Variants in RTP5 observed in about 807,000 individuals in gnomAD.
The protein encoded by RTP5 is receptor-transporting protein 5.
In RTP5, 30 loss-of-function variants were observed where a neutral mutation model predicts 23.5. That is an observed-to-expected ratio of 1.27 (90% CI 0.95 to 1.73). The LOEUF (loss-of-function observed/expected upper bound fraction) is 1.73. Among genes scored for constraint, RTP5 ranks in the 40% most tolerant of loss-of-function variants. The probability of loss-of-function intolerance (pLI) is 0.00; values close to 1 mark genes in which losing one functional copy is unlikely to be tolerated. For synonymous variants in RTP5, 354 were observed against 342.1 expected (o/e 1.03, Z -0.38); for missense variants, 807 against 784.2 (o/e 1.03, Z -0.35).
chr2:241,870,705 A>T (rs1335895556), intron 1 of RTP5, among the ~76,000 whole-genome samples: 1 of 152,252 alleles, frequency 6.6e-6, no homozygotes, highest in Admixed American at 6.5e-5. Context: ...GCTGGGAAGC[A>T]CATCACTGTT....
At chr2:241,869,941 G>T (rs1440203235) in intron 1 of RTP5, 27 bp downstream of exon 1, 1 of 1,466,990 alleles carries the variant, frequency 6.8e-7, no homozygotes, top group East Asian at 2.7e-5. Context: ...GGGACCCTGG[G>T]AGAGGCAGGG....
rs1234242397 is a variant in RTP5, at chr2:241,872,652, C to G, written c.1097C>G (p.Ala366Gly). The change falls in exon 2 of 2, where the codon GCC (alanine) becomes GGC (glycine). Residue 366 changes from alanine to glycine, a missense_variant. By Grantham distance (60) the Ala-to-Gly change is moderately conservative. Coordinates refer to ENST00000343216, the MANE Select transcript of RTP5 (RefSeq NM_173821.3). ...PTDGPVATKEASITFPFIFTD... is the reference protein window; with the variant it reads ...PTDGPVATKEGSITFPFIFTD... The stretch of plus-strand genomic sequence containing the variant: ...GATGGCCCTGTGGCCACTAAAGAGG[C>G]CTCCATCACCTTCCCCTTCATCTTT... The G allele has an allele frequency of 6.3e-7, 1 of 1,587,686 alleles. No homozygotes were observed. Among genetic ancestry groups the G allele is most frequent in the Non-Finnish European group, 8.6e-7 (1 of 1,167,138 alleles).
Position 241,873,476 on chromosome 2 carries a change from T to A in RTP5, c.*202T>A. 1 of 372,066 alleles carries A rather than the reference T, an allele frequency of 2.7e-6. No individual in the cohort carries two copies. The highest frequency in any genetic ancestry group is 4.4e-6 in the Non-Finnish European group (1 of 227,716). The allele number at this position is 372,066 out of a possible 1,614,324, so 23.0% of individuals were successfully genotyped here. On this transcript the variant is annotated 3_prime_UTR_variant, in exon 2 of 2. Transcript: ENST00000343216. ...TGCCTCTGAGACCCCGCCTCACCTC[T>A]GAGACACCCCCCAACCCCACCTTTG...
Position 241,872,529 on chromosome 2 carries a change from T to C in RTP5, c.974T>C (p.Val325Ala), listed in dbSNP as rs1468154905. The change falls in exon 2 of 2, where the codon GTG becomes GCG. Residue 325 changes from valine to alanine, a missense_variant. Val to Ala is a moderately conservative substitution (Grantham distance 64, BLOSUM62 0). Transcript: ENST00000343216. ...CCTGTGGGGAAACACACGCCAACCG[T>C]GTTCTACTGTGTGGGCCTCTCGGCC... ...LVPVGKHTPT[V>A]FYCVGLSASG... is the part of the protein sequence containing the mutation. 8 of 1,576,834 alleles carry C rather than the reference T, an allele frequency of 5.1e-6. No homozygotes were observed. Among genetic ancestry groups the C allele is most frequent in the Non-Finnish European group, 6.9e-6 (8 of 1,160,488 alleles).
intron 1 of RTP5, among the ~76,000 whole-genome samples, 191 bp downstream of exon 1, chr2:241,870,105 C>T (rs1049040866): frequency 6.6e-6 from 1 of 152,210 alleles, no homozygotes; most frequent in Admixed American, 6.5e-5. Flanking sequence ...CGGCTGCTGA[C>T]GCAGGGGTCC....
chr2:241,871,211 C>A, intron 1 of RTP5: 1 of 377,158 alleles, frequency 2.7e-6, no homozygotes, highest in Non-Finnish European at 5.3e-6. Context: ...AGGACAGGGA[C>A]CCCCACTTGC....
At chr2:241,870,922 C>G in intron 1 of RTP5, 1 of 470,980 alleles carries the variant, frequency 2.1e-6, no homozygotes, top group Non-Finnish European at 4.4e-6. Flanking sequence ...GGCAGTGTGG[C>G]TATAGAACAT....
Position 241,871,825 on chromosome 2 carries a change from G to A in RTP5, c.270G>A (p.Trp90Ter), listed in dbSNP as rs757027478. ...GGGGGCTGGTGAAGATGCGCATCTG[G>A]GGCCAGCGGTGCAGGCTGTGCCCCG... ...SHRGLVKMRI[W>*]GQRCRLCPAP... The change falls in exon 2 of 2, where the codon TGG becomes TGA. Residue 90 changes from tryptophan to a stop codon, truncating the protein, a stop_gained. Transcript: ENST00000343216. LOFTEE classifies it low-confidence loss of function (END_TRUNC). 10 of 1,559,744 alleles carry A rather than the reference G, an allele frequency of 6.4e-6. No homozygotes were observed. The highest frequency in any genetic ancestry group is 3.9e-5 in the Admixed American group (2 of 51,442).
chr2:241,872,809 G>A lies in RTP5; in HGVS notation c.1254G>A (p.Lys418=), dbSNP rs1254429363. 5.6e-6 allele frequency: 9 copies of A among 1,611,378 alleles called. No individual in the cohort carries two copies. In the Middle Eastern group the frequency reaches 4.9e-4, roughly 88 times the overall value. Residue 418 remains lysine (K), a synonymous_variant, in exon 2 of 2, where the codon AAG becomes AAA. Coordinates refer to ENST00000343216, the MANE Select transcript of RTP5 (RefSeq NM_173821.3). ...TNAGGLPSQV[K]GSLALPFPAD... ...CTGGTGGCCTCCCCTCCCAGGTCAA[G>A]GGCTCCCTTGCCCTCCCCTTCCCTG... is the stretch of plus-strand genomic sequence containing the variant.
At position 241,871,588 on chromosome 2, in the gene RTP5, G is replaced by A. The variant is rs1701317299; in HGVS notation, c.159-126G>A. 8 of 1,281,806 alleles carry A rather than the reference G, an allele frequency of 6.2e-6. No individual in the cohort carries two copies. The South Asian group carries it at 1.3e-4, about 20-fold the overall frequency. 79.4% of individuals were successfully genotyped at this position (1,281,806 alleles called of 1,614,324 possible). ...GGGTGAGGTTTGAGGTTTGAGTGTGGGATGTGAGGCAGGGGGCAGCGAGGC... is the reference window on the plus strand; with the variant it reads ...GGGTGAGGTTTGAGGTTTGAGTGTGAGATGTGAGGCAGGGGGCAGCGAGGC... On this transcript the variant is annotated intron_variant, in intron 1 of 1. Transcript: ENST00000343216.
rs2124890896 is a variant in RTP5, at chr2:241,873,300, C to A, written c.*26C>A. The A allele has an allele frequency of 1.9e-6, 3 of 1,547,046 alleles. No individual in the cohort carries two copies. The highest frequency in any genetic ancestry group is 4.5e-5 in the East Asian group (2 of 44,236). ...CGCCCCGAAGTTCAGGCAACCCTCG[C>A]CTCTGGGACCCCGCCTCGCCTCTGA... On this transcript the variant is annotated 3_prime_UTR_variant, in exon 2 of 2. Coordinates refer to ENST00000343216, the MANE Select transcript of RTP5 (RefSeq NM_173821.3).
rs753747520 is a variant in RTP5, at chr2:241,873,162, C to T, written c.1607C>T (p.Pro536Leu). ...DERPGRACRR[P>L]HAEPYEDFWI... ...CGCCCTGGCCGTGCCTGCCGTAGGC[C>T]GCACGCCGAGCCCTACGAGGACTTC... The change falls in exon 2 of 2, where the codon CCG (proline) becomes CTG (leucine). Residue 536 changes from proline to leucine, a missense_variant. Coordinates refer to ENST00000343216, the MANE Select transcript of RTP5 (RefSeq NM_173821.3). 2.7e-5 allele frequency: 43 copies of T among 1,611,892 alleles called. No homozygotes were observed. Among genetic ancestry groups the T allele is most frequent in the Middle Eastern group, 1.6e-4 (1 of 6,080 alleles).
Position 241,871,709 on chromosome 2 carries a change from C to G in RTP5, c.159-5C>G. On this transcript the variant is annotated splice_polypyrimidine_tract_variant and splice_region_variant and intron_variant, in intron 1 of 1. Transcript: ENST00000343216. The stretch of plus-strand genomic sequence containing the variant: ...CACTCACACACACTTCTTTCCCCGC[C>G]GCAGGCTCCAGTGCGGTCACTGTCC... The G allele has an allele frequency of 6.3e-7, 1 of 1,596,240 alleles. No homozygotes were observed. Among genetic ancestry groups the G allele is most frequent in the Non-Finnish European group, 8.5e-7 (1 of 1,171,946 alleles).
At chr2:241,870,513 T>G (rs1193603351) in intron 1 of RTP5, among the ~76,000 whole-genome samples, 1 of 152,252 alleles carries the variant, frequency 6.6e-6, no homozygotes, top group Non-Finnish European at 1.5e-5. Flanking sequence ...ATGCCCGGCC[T>G]GACAGGCCCC....
At position 241,869,918 on chromosome 2, in the gene RTP5, C is replaced by T. The variant is rs781571006; in HGVS notation, c.158+4C>T. On this transcript the variant is annotated splice_donor_region_variant and intron_variant, in intron 1 of 1. Coordinates refer to ENST00000343216, the MANE Select transcript of RTP5 (RefSeq NM_173821.3). ...ACCTGCTGGTGGGGCTCTCGAGGTG[C>T]GGCCAGAGGTTGGGGACCCTGGGAG... 65 of 1,516,046 alleles carry T rather than the reference C, an allele frequency of 4.3e-5. No homozygotes were observed. The Middle Eastern group carries it at 6.9e-4, about 16-fold the overall frequency. 93.9% of individuals were successfully genotyped at this position (1,516,046 alleles called of 1,614,324 possible).
rs773874422 is a variant in RTP5, at chr2:241,871,850, G to A, written c.295G>A (p.Ala99Thr). 17 of 1,546,464 alleles carry A rather than the reference G, an allele frequency of 1.1e-5. No individual in the cohort carries two copies. Among genetic ancestry groups the A allele is most frequent in the African/African-American group, 2.7e-5 (2 of 73,438 alleles). The change falls in exon 2 of 2, where the codon GCA becomes ACA. Residue 99 changes from alanine to threonine, a missense_variant. Coordinates refer to ENST00000343216, the MANE Select transcript of RTP5 (RefSeq NM_173821.3). ...GGGCCAGCGGTGCAGGCTGTGCCCC[G>A]CACCCGGGGACTGCCAGGTGAGGCC... ...IWGQRCRLCP[A>T]PGDCQVRPPG...
chr2:241,873,266 C>T lies in RTP5; in HGVS notation c.1711C>T (p.Gln571Ter). 6.3e-7 allele frequency: 1 copy of T among 1,575,750 alleles called. No homozygotes were observed. Among genetic ancestry groups the T allele is most frequent in the Non-Finnish European group, 8.6e-7 (1 of 1,164,078 alleles). The stretch of plus-strand genomic sequence containing the variant: ...GCTGAACCCCGGGATCTACCCGCAG[C>T]AAGTGTGACGCCCCGAAGTTCAGGC... ...CRLNPGIYPQ[Q>*]V The change falls in exon 2 of 2, where the codon CAA becomes TAA. Residue 571 changes from glutamine (Q) to a stop codon, truncating the protein, a stop_gained. Coordinates refer to ENST00000343216, the MANE Select transcript of RTP5 (RefSeq NM_173821.3). LOFTEE classifies it high-confidence loss of function.
chr2:241,872,735 G>A lies in RTP5; in HGVS notation c.1180G>A (p.Gly394Ser), dbSNP rs1479524609. 6.9e-6 allele frequency: 11 copies of A among 1,594,952 alleles called. No homozygotes were observed. Among genetic ancestry groups the A allele is most frequent in the African/African-American group, 2.7e-5 (2 of 74,240 alleles). The stretch of plus-strand genomic sequence containing the variant: ...TGAAGGCAACGGGAAGGAAGGAGGC[G>A]GCCAGGGCCTCGTCCCAGTGGGTCA... Reference protein sequence around the residue: ...VAEGNGKEGGGQGLVPVGHDA... With the variant: ...VAEGNGKEGGSQGLVPVGHDA... Residue 394 changes from glycine to serine, a missense_variant, in exon 2 of 2, where the codon GGC becomes AGC. Transcript: ENST00000343216.
At position 241,872,948 on chromosome 2, in the gene RTP5, A is replaced by G. The variant is rs1701355048; in HGVS notation, c.1393A>G (p.Ile465Val). The change falls in exon 2 of 2, where the codon ATC (isoleucine) becomes GTC (valine). Residue 465 changes from isoleucine to valine, a missense_variant. Coordinates refer to ENST00000343216, the MANE Select transcript of RTP5 (RefSeq NM_173821.3). Reference protein sequence around the residue: ...APLEANAEGPITVSEGCITIP... With the variant: ...APLEANAEGPVTVSEGCITIP... ...TCTGGAGGCCAATGCCGAGGGCCCC[A>G]TCACGGTTAGTGAGGGCTGCATCAC... is the stretch of plus-strand genomic sequence containing the variant. The G allele has an allele frequency of 6.2e-7, 1 of 1,613,046 alleles. No homozygotes were observed.
Sources: allele counts gnomAD v4.1 joint callset (sites outside exome capture counted in the v4.1 genomes callset), GRCh38; gene constraint gnomAD v4.1.1; transcripts MANE v1.5; gene names NCBI Gene and HGNC (gene_info 2026-07-23, HGNC 2026-07-21).